The following SETBP1 variants were observed in gnomAD, a reference collection of about 807,000 sequenced individuals.
SETBP1 encodes SET-binding protein.
Under a neutral mutation model 101.0 loss-of-function variants are expected in SETBP1, and 9 were observed. The observed-to-expected ratio is 0.09, with a 90% CI of 0.05 to 0.16. The LOEUF is 0.16. Ranked by LOEUF, SETBP1 falls within the 10% of genes least tolerant of loss-of-function variation. The probability of loss-of-function intolerance (pLI) is 1.00; values close to 1 mark genes in which losing one functional copy is unlikely to be tolerated. For missense variants in SETBP1, 1,858 were observed against 2,033.8 expected (o/e 0.91, Z 1.66); for synonymous variants, 818 against 788.5 (o/e 1.04, Z -0.63).
chr18:45,031,077 T>C (rs1190307338), intron 4 of SETBP1, among the ~76,000 whole-genome samples: 1 of 152,140 alleles, frequency 6.6e-6, no homozygotes, highest in African/African-American at 2.4e-5. Context: ...TTGCTCTTGC[T>C]TTTCTAGTTC....
chr18:44,694,141 T>C (rs2068977283), intron 1 of SETBP1, among the ~76,000 whole-genome samples: 1 of 152,208 alleles, frequency 6.6e-6, no homozygotes, highest in African/African-American at 2.4e-5. Context: ...CTCTCAGTGG[T>C]GTTCTAGTAT....
At chr18:44,710,545 AGGTT>A (rs1240932631) in intron 2 of SETBP1, among the ~76,000 whole-genome samples, 3 of 139,818 alleles carry the variant, frequency 2.1e-5, no homozygotes, top group African/African-American at 8.2e-5. Flanking sequence ...TCTGCCTTCC[AGGTT>A]GAAGCAATTC....
At chr18:44,753,349 C>T (rs1160606515) in intron 2 of SETBP1, among the ~76,000 whole-genome samples, 1 of 152,184 alleles carries the variant, frequency 6.6e-6, no homozygotes, top group Non-Finnish European at 1.5e-5. Flanking sequence ...CATGAGAATA[C>T]TCCTTCATCC....
chr18:44,914,213 G>A (rs955196652), intron 3 of SETBP1, among the ~76,000 whole-genome samples: 6 of 152,276 alleles, frequency 3.9e-5, no homozygotes, highest in South Asian at 2.1e-4. Flanking sequence ...CTGCAGTGTC[G>A]TGAGTTACCT....
chr18:44,821,766 C>T (rs1282665560), intron 2 of SETBP1, among the ~76,000 whole-genome samples: 1 of 152,194 alleles, frequency 6.6e-6, no homozygotes, highest in East Asian at 1.9e-4. Flanking sequence ...TGGGTGGAAG[C>T]TACAAAGAAG....
At chr18:44,736,911 A>T (rs539280471) in intron 2 of SETBP1, among the ~76,000 whole-genome samples, 1 of 152,312 alleles carries the variant, frequency 6.6e-6, no homozygotes, top group African/African-American at 2.4e-5. Flanking sequence ...AAACTTAGCC[A>T]CTGTGTCCTC....
Position 44,910,928 on chromosome 18 carries a change from TC to T in SETBP1, c.541-38952del, listed in dbSNP as rs571015037. Among the ~76,000 whole-genome samples the T allele has an allele frequency of 9.9e-5, 15 of 152,264 alleles. No individual in the cohort carries two copies. In the East Asian group the frequency reaches 2.9e-3, roughly 29 times the overall value. On this transcript the variant is annotated intron_variant, in intron 3 of 5. Transcript: ENST00000649279. ...CCTACATTATTCTAACTTGCCACTC[TC>T]TGAAGTTATGGAAGGTGAAGGCCAG...
intron 2 of SETBP1, among the ~76,000 whole-genome samples, chr18:44,746,114 C>A (rs1415940177): frequency 6.6e-6 from 1 of 152,074 alleles, no homozygotes; most frequent in Non-Finnish European, 1.5e-5. Context: ...GGCAGATGAC[C>A]ATTTAGAAGG....
chr18:44,789,427 A>G, intron 2 of SETBP1, among the ~76,000 whole-genome samples: 1 of 152,232 alleles, frequency 6.6e-6, no homozygotes, highest in African/African-American at 2.4e-5. Context: ...CAGCAAGTAC[A>G]AACATGCCCT....
At chr18:44,819,360 A>G (rs938737505) in intron 2 of SETBP1, among the ~76,000 whole-genome samples, 7 of 152,092 alleles carry the variant, frequency 4.6e-5, no homozygotes, top group Admixed American at 6.5e-5. Context: ...GTATAATTCT[A>G]TCCTTTTCAT....
intron 3 of SETBP1, chr18:44,877,448 A>T (rs1310887179): frequency 1.1e-6 from 1 of 891,660 alleles, no homozygotes; most frequent in Non-Finnish European, 1.3e-6. Context: ...ACAAGCCTGT[A>T]TGTGAATATT....
At chr18:44,680,257 C>CA (rs2068736793), upstream of SETBP1, 1 of 148,144 alleles carries the variant, frequency 6.8e-6, no homozygotes, top group African/African-American at 2.5e-5. Flanking sequence ...CTAGGGCGGC[C>CA]AGCTCGCGGC....
In SETBP1 at chr18:44,952,844, C is replaced by T. The variant is rs745457569; in HGVS notation, c.3504C>T (p.Asp1168=). ...HKEDRILGTH[D]NLSGLFAGKA... ...AAGACCGGATCCTAGGGACCCATGA[C>T]AACCTGAGTGGTCTTTTTGCAGGCA... Residue 1168 remains aspartate (D), a synonymous_variant, in exon 4 of 6, where the codon GAC becomes GAT. Coordinates refer to ENST00000649279, the MANE Select transcript of SETBP1 (RefSeq NM_015559.3). The T allele has an allele frequency of 3.7e-6, 6 of 1,614,154 alleles. No individual in the cohort carries two copies. The highest frequency in any genetic ancestry group is 5.1e-6 in the Non-Finnish European group (6 of 1,180,038).
intron 3 of SETBP1, 94 bp downstream of exon 3, chr18:44,869,377 C>T (rs2069216563): frequency 6.0e-6 from 7 of 1,162,882 alleles, no homozygotes; most frequent in Admixed American, 1.7e-5. Flanking sequence ...GACAGAAACC[C>T]GAACCTTGGA....
At chr18:44,794,908 G>A (rs1599137994) in intron 2 of SETBP1, among the ~76,000 whole-genome samples, 1 of 152,146 alleles carries the variant, frequency 6.6e-6, no homozygotes, top group Non-Finnish European at 1.5e-5. Flanking sequence ...AAACATTCAT[G>A]GATGCAAGAC....
At chr18:44,744,000 T>C (rs553634042) in intron 2 of SETBP1, among the ~76,000 whole-genome samples, 41 of 152,360 alleles carry the variant, frequency 2.7e-4, no homozygotes, top group African/African-American at 9.6e-4. Context: ...GGAGAGATTC[T>C]GGCCACATAT....
At chr18:44,705,169 A>G (rs1210650208) in intron 2 of SETBP1, among the ~76,000 whole-genome samples, 1 of 152,208 alleles carries the variant, frequency 6.6e-6, no homozygotes, top group Non-Finnish European at 1.5e-5. Flanking sequence ...TTACATTTTT[A>G]AAAGGTTGGG....
chr18:44,904,061 A>G (rs571690950), intron 3 of SETBP1, among the ~76,000 whole-genome samples: 104 of 152,346 alleles, frequency 6.8e-4, no homozygotes, highest in African/African-American at 2.4e-3. Flanking sequence ...CAACTCATAC[A>G]TATTTGCTCA....
chr18:44,839,011 G>C (rs1211739305), intron 2 of SETBP1, among the ~76,000 whole-genome samples: 1 of 151,894 alleles, frequency 6.6e-6, no homozygotes, highest in Middle Eastern at 3.4e-3. Context: ...ACACTCAACT[G>C]TCGGTTTGAA....
Sources: allele counts gnomAD v4.1 joint callset (sites outside exome capture counted in the v4.1 genomes callset), GRCh38; gene constraint gnomAD v4.1.1; transcripts MANE v1.5; gene names NCBI Gene and HGNC (gene_info 2026-07-23, HGNC 2026-07-21).